The following CEP57 variants were observed in gnomAD, a reference collection of about 807,000 sequenced individuals.
CEP57 encodes centrosomal protein of 57 kDa.
In CEP57, 40 loss-of-function variants were observed where a neutral mutation model predicts 68.0. That is an observed-to-expected ratio of 0.59 (90% CI 0.46 to 0.77). The LOEUF (loss-of-function observed/expected upper bound fraction) is 0.77. Among genes scored for constraint, CEP57 ranks in the 30% least tolerant of loss-of-function variants. The probability of loss-of-function intolerance (pLI) is 0.00; values close to 1 mark genes in which losing one functional copy is unlikely to be tolerated. For missense variants in CEP57, 606 were observed against 580.7 expected, an observed-to-expected ratio of 1.04 and a Z score of -0.45; for synonymous variants, 219 against 198.7, an observed-to-expected ratio of 1.10 and a Z score of -0.86.
chr11:95,798,162 C>T (rs953141019), intron 1 of CEP57, among the ~76,000 whole-genome samples: 9 of 152,142 alleles, frequency 5.9e-5, no homozygotes, highest in Non-Finnish European at 1.2e-4. Flanking sequence ...CCCTACCCTC[C>T]TAAGCTCTTT....
At chr11:95,819,586 G>T (rs1476771878) in intron 6 of CEP57, among the ~76,000 whole-genome samples, 1 of 152,122 alleles carries the variant, frequency 6.6e-6, no homozygotes, top group African/African-American at 2.4e-5. Context: ...CGTTATGAGC[G>T]TATTTGCTCA....
At position 95,831,034 on chromosome 11, in the gene CEP57, A is replaced by C; in HGVS notation, c.1281A>C (p.Lys427Asn). The stretch of plus-strand genomic sequence containing the variant: ...TTGGTTATTTGGTATAGCTGGAGAA[A>C]CAGAAGTTAGAGAAGCAGAAGAAGG... The part of the protein sequence containing the change: ...KVRKYQAQLE[K>N]QKLEKQKKEL... The change falls in exon 11 of 11, where the codon AAA (lysine) becomes AAC (asparagine). Residue 427 changes from lysine to asparagine, a missense_variant. Transcript: ENST00000325542. 1 of 1,610,586 alleles carries C rather than the reference A, an allele frequency of 6.2e-7. No homozygotes were observed. The highest frequency in any genetic ancestry group is 8.5e-7 in the Non-Finnish European group (1 of 1,177,086).
Position 95,832,282 on chromosome 11 carries a change from T to A in CEP57, c.*1026T>A, listed in dbSNP as rs1422042548. The A allele has an allele frequency of 6.6e-6, 1 of 152,134 alleles. No individual in the cohort carries two copies. The highest frequency in any genetic ancestry group is 1.5e-5 in the Non-Finnish European group (1 of 67,996). The allele number at this position is 152,134 out of a possible 1,614,324, so 9.4% of individuals were successfully genotyped here. On this transcript the variant is annotated 3_prime_UTR_variant, in exon 11 of 11. Coordinates refer to ENST00000325542, the MANE Select transcript of CEP57 (RefSeq NM_014679.5). ...TTAATAAAGGCTTTGTGACAAGCTCTCAAAAAATGCATTTCTAAATAGGAG... is the reference window on the plus strand; with the variant it reads ...TTAATAAAGGCTTTGTGACAAGCTCACAAAAAATGCATTTCTAAATAGGAG...
intron 7 of CEP57, 51 bp downstream of exon 7, chr11:95,822,029 T>C: frequency 3.2e-6 from 4 of 1,260,508 alleles, no homozygotes; most frequent in Non-Finnish European, 3.5e-6. Context: ...TGGTATAGTT[T>C]ATGTCAAAAC....
At chr11:95,798,784 C>T (rs1444931240) in intron 1 of CEP57, among the ~76,000 whole-genome samples, 2 of 152,164 alleles carry the variant, frequency 1.3e-5, no homozygotes, top group Admixed American at 6.5e-5. Context: ...GAGGCAAGGA[C>T]AGTGCCTTAT....
intron 2 of CEP57, among the ~76,000 whole-genome samples, chr11:95,804,810 A>G (rs1225767529): frequency 6.6e-6 from 1 of 152,266 alleles, no homozygotes; most frequent in Non-Finnish European, 1.5e-5. Flanking sequence ...TAAAATCTAT[A>G]GAATTTCAAT....
intron 2 of CEP57, among the ~76,000 whole-genome samples, chr11:95,812,478 C>T (rs1340319183): frequency 6.6e-6 from 1 of 151,938 alleles, no homozygotes; most frequent in Non-Finnish European, 1.5e-5. Context: ...GGCTGGAGTG[C>T]AATGGTGCGA....
chr11:95,799,114 C>G (rs1861465886), intron 1 of CEP57, 118 bp from the exon 2 acceptor site: 2 of 936,576 alleles, frequency 2.1e-6, no homozygotes, highest in Admixed American at 2.0e-5. Context: ...TGTTTCTAGT[C>G]AGTGGATTTT....
intron 6 of CEP57, among the ~76,000 whole-genome samples, chr11:95,820,901 G>C (rs1343750618): frequency 6.6e-6 from 1 of 152,096 alleles, no homozygotes; most frequent in Non-Finnish European, 1.5e-5. Context: ...AGAGATTCCT[G>C]TATTCCTTTG....
chr11:95,828,042 T>A lies in CEP57; in HGVS notation c.1127+15T>A. On this transcript the variant is annotated intron_variant, in intron 9 of 10. Coordinates refer to ENST00000325542, the MANE Select transcript of CEP57 (RefSeq NM_014679.5). ...CAAATGAGCTTGTGAGTTTTTGTTT[T>A]TTTTTTTAAATTCAGTTTAGCTCTA... 2 of 1,609,022 alleles carry A rather than the reference T, an allele frequency of 1.2e-6. No individual in the cohort carries two copies. Among genetic ancestry groups the A allele is most frequent in the Non-Finnish European group, 1.7e-6 (2 of 1,177,466 alleles).
At chr11:95,799,157 C>G (rs781525609) in intron 1 of CEP57, 75 bp from the exon 2 acceptor site, 11 of 1,454,884 alleles carry the variant, frequency 7.6e-6, no homozygotes, top group Non-Finnish European at 1.1e-5. Context: ...CAATCTCAGT[C>G]ATAAATATTT....
chr11:95,797,707 G>A (rs1456204860), intron 1 of CEP57, among the ~76,000 whole-genome samples: 1 of 152,146 alleles, frequency 6.6e-6, no homozygotes, highest in Non-Finnish European at 1.5e-5. Flanking sequence ...AAATGTATAT[G>A]TCATGAGGAG....
upstream of CEP57, chr11:95,790,396 T>A (rs533566818): frequency 5.8e-5 from 29 of 499,252 alleles, no homozygotes; most frequent in South Asian, 6.8e-4. Flanking sequence ...CGTTACGCGC[T>A]ACCTTGTGAC....
intron 10 of CEP57, 138 bp downstream of exon 10, chr11:95,829,469 C>A: frequency 1.1e-6 from 1 of 917,220 alleles, no homozygotes; most frequent in Non-Finnish European, 1.7e-6. Context: ...GACATTTGTT[C>A]ATTGAGAATT....
intron 6 of CEP57, among the ~76,000 whole-genome samples, chr11:95,821,133 C>CA (rs1307018030): frequency 2.0e-5 from 3 of 152,172 alleles, no homozygotes; most frequent in Non-Finnish European, 4.4e-5. Context: ...AAATTGTCCT[C>CA]ATAAACTGCA....
At chr11:95,813,617 C>A in intron 4 of CEP57, 28 bp downstream of exon 4, 1 of 1,611,054 alleles carries the variant, frequency 6.2e-7, no homozygotes. Flanking sequence ...CAGATTGATA[C>A]TCAAGAACAG....
chr11:95,790,747 A>G lies in CEP57; in HGVS notation c.45+4A>G, dbSNP rs745842389. The G allele has an allele frequency of 3.1e-6, 5 of 1,613,932 alleles. No homozygotes were observed. The highest frequency in any genetic ancestry group is 4.2e-6 in the Non-Finnish European group (5 of 1,179,980). On this transcript the variant is annotated splice_donor_region_variant and intron_variant, in intron 1 of 10. Transcript: ENST00000325542. ...GGCTTCTGGTTCTCACTTGTCGGTA[A>G]GAAGCAGTTGGCGCGAGTGGGCCCC...
intron 2 of CEP57, among the ~76,000 whole-genome samples, chr11:95,812,257 TTAA>T (rs1862098033): frequency 2.6e-5 from 4 of 152,082 alleles, no homozygotes; most frequent in African/African-American, 9.7e-5. Context: ...CTAATTTTAA[TTAA>T]TAAGTAATAT....
rs1565304184 is a variant in CEP57 at position 95,790,532 on chromosome 11, A to C, written c.-167A>C. 1 of 720,326 alleles carries C rather than the reference A, an allele frequency of 1.4e-6. No homozygotes were observed. The highest frequency in any genetic ancestry group is 1.8e-5 in the African/African-American group (1 of 56,370). 44.6% of individuals were successfully genotyped at this position (720,326 alleles called of 1,614,324 possible). A position where few individuals can be genotyped will look rare whatever the true frequency, so the allele number is the denominator to read the frequency against. ...TAAGCTGTGAGCGTAGGCGGCCCTGAGGGGGTGTGTTGCAGGGGTTTCCAA... is the reference window on the plus strand; with the variant it reads ...TAAGCTGTGAGCGTAGGCGGCCCTGCGGGGGTGTGTTGCAGGGGTTTCCAA... On this transcript the variant is annotated 5_prime_UTR_variant, in exon 1 of 11. Transcript: ENST00000325542.
Sources: gnomAD v4.1 joint callset for allele counts (sites outside exome capture counted in the v4.1 genomes callset) on GRCh38, gnomAD v4.1.1 for gene constraint, MANE v1.5 for transcripts, NCBI Gene and HGNC (gene_info 2026-07-23, HGNC 2026-07-21) for gene names.